Variants in HNRNPDL observed in about 807,000 individuals in gnomAD.
HNRNPDL encodes the protein heterogeneous nuclear ribonucleoprotein D like, also known as heterogeneous nuclear ribonucleoprotein D-like.
Under a neutral mutation model 48.0 loss-of-function variants are expected in HNRNPDL, and 18 were observed. That is an observed-to-expected ratio of 0.38 (90% CI 0.26 to 0.56). The LOEUF is 0.56. Ranked by LOEUF, HNRNPDL falls within the 20% of genes least tolerant of loss-of-function variation. The pLI, the probability that HNRNPDL is intolerant of heterozygous loss-of-function variation, is 0.77. For synonymous variants in HNRNPDL, 306 were observed against 207.3 expected (o/e 1.48, Z -4.09); for missense variants, 553 against 540.7 (o/e 1.02, Z -0.23).
chr4:82,424,028 T>G lies in HNRNPDL; in HGVS notation c.*878A>C, dbSNP rs575178993. On this transcript the variant is annotated 3_prime_UTR_variant, in exon 8 of 8. Coordinates refer to ENST00000295470, the MANE Select transcript of HNRNPDL (RefSeq NM_031372.4). ...GGCTCTGAGAAAACACAACTAAATC[T>G]TATTTTGCCACTATTTTAATTTTTC... 3.3e-4 allele frequency: 50 copies of G among 152,288 alleles called. 1 individual carries two copies. The highest frequency in any genetic ancestry group is 1.1e-3 in the African/African-American group (44 of 41,536). The allele number at this position is 152,288 out of a possible 1,614,324, so 9.4% of individuals were successfully genotyped here. A position where few individuals can be genotyped will look rare whatever the true frequency, so the allele number is the denominator to read the frequency against.
Position 82,426,370 on chromosome 4 carries a change from G to C in HNRNPDL, c.1192+93C>G, listed in dbSNP as rs1721407525. 3 of 1,164,840 alleles carry C rather than the reference G, an allele frequency of 2.6e-6. No homozygotes were observed. In the Admixed American group the frequency reaches 5.7e-5, roughly 22 times the overall value. The allele number at this position is 1,164,840 out of a possible 1,614,324, so 72.2% of individuals were successfully genotyped here. ...AACACTTAACTCCGAACACTTTAAT[G>C]GAAAGCCCATACACACAATTTCAGA... On this transcript the variant is annotated intron_variant, in intron 6 of 7. Coordinates refer to ENST00000295470, the MANE Select transcript of HNRNPDL (RefSeq NM_031372.4).
chr4:82,426,328 G>C (rs1372567315), intron 6 of HNRNPDL, 135 bp downstream of exon 6: 1 of 885,048 alleles, frequency 1.1e-6, no homozygotes, highest in African/African-American at 1.7e-5. Flanking sequence ...ATCATCCTAT[G>C]ATTGTAACAT....
chr4:82,425,915 T>C, intron 7 of HNRNPDL, 122 bp downstream of exon 7: 1 of 662,490 alleles, frequency 1.5e-6, no homozygotes, highest in Non-Finnish European at 2.6e-6. Context: ...CATAAAGCAA[T>C]TAAAAAATCA....
At chr4:82,427,588 C>A in intron 3 of HNRNPDL, 24 bp from the exon 4 acceptor site, 1 of 1,602,514 alleles carries the variant, frequency 6.2e-7, no homozygotes, top group Non-Finnish European at 8.5e-7. Context: ...GCACACTCAA[C>A]GTCATCCCAT....
At chr4:82,429,148 C>A in intron 1 of HNRNPDL, 100 bp downstream of exon 1, 2 of 1,114,950 alleles carry the variant, frequency 1.8e-6, no homozygotes, top group Non-Finnish European at 2.7e-6. Context: ...CGCGGGGAAT[C>A]GACTCTGAGA....
chr4:82,425,303 T>C (rs1721372487), intron 7 of HNRNPDL: 1 of 152,212 alleles, frequency 6.6e-6, no homozygotes, highest in Non-Finnish European at 1.5e-5. Flanking sequence ...ATTTCACTAT[T>C]AGCTATAAAA....
In HNRNPDL at chr4:82,426,159, G is replaced by A. The variant is rs897099960; in HGVS notation, c.1193-30C>T. ...TTTGAAAACACAGAATTCTCATTAA[G>A]ATAGTTTTCTACAAAACTTTCTTTA... On this transcript the variant is annotated intron_variant, in intron 6 of 7. Transcript: ENST00000295470. 7 of 610,966 alleles carry A rather than the reference G, an allele frequency of 1.1e-5. No individual in the cohort carries two copies. In the African/African-American group the frequency reaches 1.2e-4, roughly 10 times the overall value. The allele number at this position is 610,966 out of a possible 1,614,324, so 37.8% of individuals were successfully genotyped here.
At chr4:82,429,138 C>T in intron 1 of HNRNPDL, 110 bp downstream of exon 1, 1 of 1,003,388 alleles carries the variant, frequency 1.0e-6, no homozygotes, top group Non-Finnish European at 1.6e-6. Flanking sequence ...CCAGAAGGCA[C>T]GCGGGGAATC....
chr4:82,428,533 G>C (rs1232290285), intron 1 of HNRNPDL, 87 bp from the exon 2 acceptor site: 1 of 1,035,760 alleles, frequency 9.7e-7, no homozygotes, highest in Non-Finnish European at 1.4e-6. Context: ...TAAAAACAGG[G>C]ACATTTACCC....
rs1377888484 is a variant in HNRNPDL, at chr4:82,422,906, G to A, written c.*2000C>T. 1 of 152,122 alleles carries A rather than the reference G, an allele frequency of 6.6e-6. No homozygotes were observed. The allele number at this position is 152,122 out of a possible 1,614,324, so 9.4% of individuals were successfully genotyped here. On this transcript the variant is annotated 3_prime_UTR_variant, in exon 8 of 8. Transcript: ENST00000295470. ...TTTCTATCCCCTCCCCAATAAACTT[G>A]TCCAATTACTTTGTTCTAAATTAAT...
At chr4:82,426,007 T>C (rs914179213) in intron 7 of HNRNPDL, 30 bp downstream of exon 7, 4 of 1,306,782 alleles carry the variant, frequency 3.1e-6, no homozygotes, top group Non-Finnish European at 4.4e-6. Flanking sequence ...ATTAGACATT[T>C]CTACTGTTTT....
chr4:82,428,492 GATCCT>G lies in HNRNPDL; in HGVS notation c.444-51_444-47del, dbSNP rs774388005. 3.5e-6 allele frequency: 5 copies of G among 1,424,470 alleles called. No individual in the cohort carries two copies. In the Middle Eastern group the frequency reaches 5.4e-4, roughly 153 times the overall value. The allele number at this position is 1,424,470 out of a possible 1,614,324, so 88.2% of individuals were successfully genotyped here. ...AAAAAAAATTAACAATAACTCAAAT[GATCCT>G]TCAGTTCTGGAATTAAATCGTGAAA... On this transcript the variant is annotated intron_variant, in intron 1 of 7. Coordinates refer to ENST00000295470, the MANE Select transcript of HNRNPDL (RefSeq NM_031372.4).
Position 82,428,589 on chromosome 4 carries a change from A to G in HNRNPDL, c.444-143T>C, listed in dbSNP as rs932586579. The G allele has an allele frequency of 4.2e-6, 3 of 708,964 alleles. No homozygotes were observed. The African/African-American group carries it at 5.4e-5, about 13-fold the overall frequency. The allele number at this position is 708,964 out of a possible 1,614,324, so 43.9% of individuals were successfully genotyped here. A position where few individuals can be genotyped will look rare whatever the true frequency, so the allele number is the denominator to read the frequency against. On this transcript the variant is annotated intron_variant, in intron 1 of 7. Transcript: ENST00000295470. ...TTCATGTTTACATTTAATCTATGTC[A>G]CACAAAAATCCCAATATCCCAACGA...
rs1721319130 is a variant in HNRNPDL, at chr4:82,424,184, T to C, written c.*722A>G. The C allele has an allele frequency of 6.6e-6, 1 of 152,264 alleles. No homozygotes were observed. The highest frequency in any genetic ancestry group is 2.1e-4 in the South Asian group (1 of 4,838). The allele number at this position is 152,264 out of a possible 1,614,324, so 9.4% of individuals were successfully genotyped here. A position where few individuals can be genotyped will look rare whatever the true frequency, so the allele number is the denominator to read the frequency against. On this transcript the variant is annotated 3_prime_UTR_variant, in exon 8 of 8. Transcript: ENST00000295470. ...TTTTATCAAGAATTACTCATTGTGT[T>C]ATGATTACAAAGCTTTTTCTAGGTG...
intron 7 of HNRNPDL, 79 bp from the exon 8 acceptor site, chr4:82,424,962 T>C (rs1468363964): frequency 6.6e-6 from 1 of 152,252 alleles, no homozygotes; most frequent in African/African-American, 2.4e-5. Context: ...TGAATTGTTT[T>C]AAGTCCTCAC....
intron 3 of HNRNPDL, 90 bp downstream of exon 3, chr4:82,427,928 G>C (rs1360028991): frequency 2.4e-6 from 3 of 1,266,264 alleles, no homozygotes; most frequent in Non-Finnish European, 3.3e-6. Flanking sequence ...TACTCTTACA[G>C]GAAACATGAA....
rs1334185011 is a variant in HNRNPDL at position 82,423,543 on chromosome 4, G to C, written c.*1363C>G. 3.3e-5 allele frequency: 5 copies of C among 152,036 alleles called. No homozygotes were observed. The highest frequency in any genetic ancestry group is 3.3e-4 in the Admixed American group (5 of 15,244). The allele number at this position is 152,036 out of a possible 1,614,324, so 9.4% of individuals were successfully genotyped here. On this transcript the variant is annotated 3_prime_UTR_variant, in exon 8 of 8. Coordinates refer to ENST00000295470, the MANE Select transcript of HNRNPDL (RefSeq NM_031372.4). Reference sequence around the variant, plus strand: ...GCACCAAATTAAAAAAAAAAAGGGAGGGCTCATGAGCATAAGAAACTTACC... The same window carrying C: ...GCACCAAATTAAAAAAAAAAAGGGACGGCTCATGAGCATAAGAAACTTACC...
At position 82,426,070 on chromosome 4, in the gene HNRNPDL, G is replaced by A; in HGVS notation, c.1252C>T (p.Gln418Ter). The A allele has an allele frequency of 6.2e-7, 1 of 1,612,520 alleles. No individual in the cohort carries two copies. Among genetic ancestry groups the A allele is most frequent in the Non-Finnish European group, 8.5e-7 (1 of 1,178,726 alleles). Residue 418 changes from glutamine (Q) to a stop codon, truncating the protein, a stop_gained, in exon 7 of 8, where the codon CAG becomes TAG. Coordinates refer to ENST00000295470, the MANE Select transcript of HNRNPDL (RefSeq NM_031372.4). LOFTEE classifies it high-confidence loss of function. ...RGGGNHQNNY[Q>*]PY The stretch of plus-strand genomic sequence containing the variant: ...TCCAATGTTCTCCTTTAGTATGGCT[G>A]GTAATTGTTTTGGTGATTGCCACCC...
intron 1 of HNRNPDL, among the ~76,000 whole-genome samples, chr4:82,428,960 T>G (rs1310447473): frequency 6.6e-6 from 1 of 152,214 alleles, no homozygotes; most frequent in East Asian, 1.9e-4. Flanking sequence ...CGTGCAGCGC[T>G]GGGAGGCCGG....
Sources: gnomAD v4.1 joint callset for allele counts (sites outside exome capture counted in the v4.1 genomes callset) on GRCh38, gnomAD v4.1.1 for gene constraint, MANE v1.5 for transcripts, NCBI Gene and HGNC (gene_info 2026-07-23, HGNC 2026-07-21) for gene names.